The following SNX13 variants were observed in gnomAD, a reference collection of about 807,000 sequenced individuals.
SNX13 encodes the protein sorting nexin-13.
In SNX13, 45 loss-of-function variants were observed where a neutral mutation model predicts 133.6. The ratio of observed to expected loss-of-function variants is 0.34; its 90% CI spans 0.27 to 0.43. The LOEUF is 0.43. SNX13 is among the 20% of genes least tolerant of loss of function. SNX13 has a pLI of 1.00. For missense variants in SNX13, 1,032 were observed against 1,145.1 expected (o/e 0.90, Z 1.43); for synonymous variants, 414 against 373.9 (o/e 1.11, Z -1.24).
chr7:17,826,463 C>T (rs1024156108), intron 16 of SNX13, among the ~76,000 whole-genome samples: 4 of 151,762 alleles, frequency 2.6e-5, no homozygotes, highest in Admixed American at 1.3e-4. Flanking sequence ...ATACTAGAAC[C>T]AGCTCTGTAG....
intron 25 of SNX13, chr7:17,795,919 A>C (rs1174640521): frequency 2.0e-5 from 3 of 151,894 alleles, no homozygotes. Context: ...GCAAATTTTT[A>C]ATTTAATTGA....
chr7:17,819,174 C>A (rs1787003342), intron 18 of SNX13, among the ~76,000 whole-genome samples: 1 of 152,122 alleles, frequency 6.6e-6, no homozygotes, highest in African/African-American at 2.4e-5. Context: ...CATAAAATAT[C>A]AAATAAGATT....
At chr7:17,853,896 G>A (rs1365417986) in intron 9 of SNX13, among the ~76,000 whole-genome samples, 4 of 151,772 alleles carry the variant, frequency 2.6e-5, no homozygotes, top group South Asian at 4.1e-4. Flanking sequence ...AGCCAAAATC[G>A]TGCCACTGCA....
At chr7:17,882,883 G>A (rs1356067290) in intron 5 of SNX13, 5 of 1,273,222 alleles carry the variant, frequency 3.9e-6, no homozygotes, top group African/African-American at 3.1e-5. Context: ...TCCAGGAAGC[G>A]GAGGTTGCAG....
intron 8 of SNX13, among the ~76,000 whole-genome samples, chr7:17,870,104 T>A (rs1050515845): frequency 6.6e-6 from 1 of 152,166 alleles, no homozygotes; most frequent in African/African-American, 2.4e-5. Context: ...TCCAAGCAAG[T>A]AGGCACTTCC....
intron 22 of SNX13, 145 bp downstream of exon 22, chr7:17,801,443 G>C: frequency 6.3e-6 from 4 of 630,980 alleles, no homozygotes; most frequent in Non-Finnish European, 1.1e-5. Context: ...TAATTACATG[G>C]GCATGTTCAG....
chr7:17,897,895 A>G (rs953294845), intron 1 of SNX13: 1 of 151,614 alleles, frequency 6.6e-6, no homozygotes, highest in African/African-American at 2.4e-5. Flanking sequence ...CTACAGCATA[A>G]GGAGACATTT....
chr7:17,834,679 A>G, intron 14 of SNX13, 82 bp downstream of exon 14: 1 of 863,664 alleles, frequency 1.2e-6, no homozygotes, highest in Non-Finnish European at 1.7e-6. Context: ...TACTTTTAGA[A>G]AGTTTTTAAA....
intron 22 of SNX13, among the ~76,000 whole-genome samples, chr7:17,800,397 T>C (rs1784487492): frequency 6.6e-6 from 1 of 151,750 alleles, no homozygotes; most frequent in African/African-American, 2.4e-5. Flanking sequence ...GTAACCTGAT[T>C]TGTGATAAGG....
In SNX13 at chr7:17,796,881, T is replaced by A. The variant is rs753767116; in HGVS notation, c.2572A>T (p.Ile858Phe). 6.2e-6 allele frequency: 10 copies of A among 1,611,356 alleles called. No homozygotes were observed. In the Admixed American group the frequency reaches 1.7e-4, roughly 27 times the overall value. ...AEAVPCRDKSIRMRTRVAGKT... is the reference protein window; with the variant it reads ...AEAVPCRDKSFRMRTRVAGKT... ...CCTGCTACTCTTGTTCTCATTCGAA[T>A]ACTTTTATCTCTGCATGGAACAGCC... is the stretch of plus-strand genomic sequence containing the variant. Residue 858 changes from isoleucine (I) to phenylalanine (F), a missense_variant, in exon 25 of 26, where the codon ATT becomes TTT. Ile to Phe is a conservative substitution (Grantham distance 21, BLOSUM62 0). Transcript: ENST00000428135.
rs1323491883 is a variant in SNX13, at chr7:17,904,772, A to G, written c.13-7326T>C. 2.6e-5 allele frequency among the ~76,000 whole-genome samples: 4 copies of G among 152,216 alleles called. No homozygotes were observed. In the East Asian group the frequency reaches 7.7e-4, roughly 29 times the overall value. On this transcript the variant is annotated intron_variant, in intron 1 of 25. Transcript: ENST00000428135. ...AGTTCAACAATAAAAATAAGTAGCC[A>G]TAAGAAGAGTGGTCTTATAACAAGT...
chr7:17,902,111 T>C (rs949137253), intron 1 of SNX13, among the ~76,000 whole-genome samples: 5 of 152,224 alleles, frequency 3.3e-5, no homozygotes, highest in African/African-American at 9.6e-5. Flanking sequence ...AGGTGTTTTA[T>C]TATTCATTTG....
At chr7:17,828,115 C>G (rs1265714516) in intron 16 of SNX13, among the ~76,000 whole-genome samples, 1 of 151,570 alleles carries the variant, frequency 6.6e-6, no homozygotes, top group Non-Finnish European at 1.5e-5. Flanking sequence ...GTCTTTTTGT[C>G]TCTTAAAATA....
chr7:17,911,777 C>T (rs111412134), intron 1 of SNX13, among the ~76,000 whole-genome samples: 3 of 151,998 alleles, frequency 2.0e-5, no homozygotes, highest in African/African-American at 4.8e-5. Flanking sequence ...TATCTTTTAG[C>T]GGTCAAACTA....
At chr7:17,928,725 T>C (rs558162874) in intron 1 of SNX13, among the ~76,000 whole-genome samples, 3 of 152,354 alleles carry the variant, frequency 2.0e-5, no homozygotes, top group African/African-American at 7.2e-5. Flanking sequence ...GGTGTTAAGA[T>C]AACTTTCAGG....
intron 1 of SNX13, among the ~76,000 whole-genome samples, chr7:17,926,155 C>T (rs1018379566): frequency 1.3e-5 from 2 of 151,926 alleles, no homozygotes; most frequent in Admixed American, 6.6e-5. Context: ...AAGATAAATA[C>T]GAAGAAAGTA....
intron 1 of SNX13, among the ~76,000 whole-genome samples, chr7:17,925,585 A>G (rs191677534): frequency 6.6e-6 from 1 of 152,244 alleles, no homozygotes; most frequent in South Asian, 2.1e-4. Context: ...TTTAAAAAAT[A>G]AGGTACTATC....
At chr7:17,937,369 C>G (rs1358956511) in intron 1 of SNX13, among the ~76,000 whole-genome samples, 1 of 151,840 alleles carries the variant, frequency 6.6e-6, no homozygotes, top group East Asian at 1.9e-4. Context: ...ATATTTTTGG[C>G]CCGGTGCAGT....
chr7:17,800,737 C>T lies in SNX13; in HGVS notation c.2298+851G>A, dbSNP rs980681551. Among the ~76,000 whole-genome samples, 4 of 151,444 alleles carry T rather than the reference C, an allele frequency of 2.6e-5. No individual in the cohort carries two copies. The South Asian group carries it at 8.3e-4, about 32-fold the overall frequency. ...ATAGCTAAGAACTAAGACAGCTAAGCCAACAGAAAAATGACAAAAGGTCTT... is the reference window on the plus strand; with the variant it reads ...ATAGCTAAGAACTAAGACAGCTAAGTCAACAGAAAAATGACAAAAGGTCTT... On this transcript the variant is annotated intron_variant, in intron 22 of 25. Coordinates refer to ENST00000428135, the MANE Select transcript of SNX13 (RefSeq NM_015132.5).
Sources: allele counts gnomAD v4.1 joint callset (sites outside exome capture counted in the v4.1 genomes callset), GRCh38; gene constraint gnomAD v4.1.1; transcripts MANE v1.5; gene names NCBI Gene and HGNC (gene_info 2026-07-23, HGNC 2026-07-21).